Variants in R3HDM2 observed in about 807,000 individuals in gnomAD.
R3HDM2 encodes the protein R3H domain containing 2.
A neutral mutation model predicts 124.5 loss-of-function variants in R3HDM2; 38 were observed. The ratio of observed to expected loss-of-function variants is 0.31; its 90% CI spans 0.24 to 0.40. The LOEUF is 0.40. Ranked by LOEUF, R3HDM2 falls within the 10% of genes least tolerant of loss-of-function variation. The probability of loss-of-function intolerance (pLI) is 1.00; values close to 1 mark genes in which losing one functional copy is unlikely to be tolerated. For missense variants in R3HDM2, 869 were observed against 1,236.9 expected, an observed-to-expected ratio of 0.70 and a Z score of 4.46; for synonymous variants, 391 against 448.0, an observed-to-expected ratio of 0.87 and a Z score of 1.61.
intron 2 of R3HDM2, among the ~76,000 whole-genome samples, chr12:57,346,003 TAC>T (rs2060047773): frequency 6.6e-6 from 1 of 151,732 alleles, no homozygotes; most frequent in African/African-American, 2.4e-5. Context: ...CTACCAAAAA[TAC>T]AAAAATTAGC....
Position 57,288,440 on chromosome 12 carries a change from A to G in R3HDM2, c.938+569T>C, listed in dbSNP as rs1180820714. On this transcript the variant is annotated intron_variant, in intron 12 of 23. Coordinates refer to ENST00000402412, the MANE Select transcript of R3HDM2 (RefSeq NM_001394031.1). ...ATTTTTTCTTAAAGATATCTTTAAGAAAAAATATTCCTATGCTGGGTCAGG... is the reference window on the plus strand; with the variant it reads ...ATTTTTTCTTAAAGATATCTTTAAGGAAAAATATTCCTATGCTGGGTCAGG... Among the ~76,000 whole-genome samples the G allele has an allele frequency of 2.0e-5, 3 of 152,056 alleles. No homozygotes were observed. The East Asian group carries it at 5.8e-4, about 29-fold the overall frequency.
intron 2 of R3HDM2, among the ~76,000 whole-genome samples, chr12:57,379,320 C>T (rs1031764922): frequency 6.6e-6 from 1 of 152,178 alleles, no homozygotes; most frequent in African/African-American, 2.4e-5. Context: ...GTAGCTCATG[C>T]CTGTAATCCC....
intron 14 of R3HDM2, among the ~76,000 whole-genome samples, chr12:57,271,894 A>AT (rs377415685): frequency 0.06 from 8,564 of 143,432 alleles, 663 homozygotes; most frequent in African/African-American, 0.18. Flanking sequence ...CTGCAACTGC[A>AT]TTTTTTTTTT....
intron 11 of R3HDM2, among the ~76,000 whole-genome samples, chr12:57,291,974 G>C (rs187771584): frequency 6.6e-6 from 1 of 152,338 alleles, no homozygotes; most frequent in Admixed American, 6.5e-5. Context: ...CTAGGAGCTA[G>C]TCCTGTTGTA....
At chr12:57,418,326 G>C (rs1442999175) in intron 1 of R3HDM2, 6 of 985,302 alleles carry the variant, frequency 6.1e-6, no homozygotes, top group Non-Finnish European at 7.2e-6. Flanking sequence ...AGAACATTTA[G>C]TTAACGGGGC....
chr12:57,327,827 G>A (rs904890787), intron 2 of R3HDM2, among the ~76,000 whole-genome samples: 3 of 152,102 alleles, frequency 2.0e-5, no homozygotes, highest in Non-Finnish European at 4.4e-5. Context: ...TCTTACGGAT[G>A]AGCAAAAAAG....
intron 1 of R3HDM2, among the ~76,000 whole-genome samples, chr12:57,416,168 C>T (rs909680226): frequency 2.0e-5 from 3 of 151,724 alleles, no homozygotes; most frequent in South Asian, 2.1e-4. Flanking sequence ...TTTCCTAATA[C>T]GTGAATAAAA....
intron 13 of R3HDM2, 34 bp downstream of exon 13, chr12:57,283,790 T>A (rs1302161660): frequency 6.3e-7 from 1 of 1,586,628 alleles, no homozygotes; most frequent in East Asian, 2.2e-5. Flanking sequence ...CAAGAAGGGA[T>A]GGGTATGACA....
intron 1 of R3HDM2, among the ~76,000 whole-genome samples, chr12:57,404,382 A>T (rs1351062063): frequency 6.7e-6 from 1 of 150,220 alleles, no homozygotes; most frequent in Non-Finnish European, 1.5e-5. Flanking sequence ...CTAATTTTTA[A>T]CTATAGGTTC....
intron 2 of R3HDM2, among the ~76,000 whole-genome samples, chr12:57,340,223 T>C (rs1022856054): frequency 1.3e-5 from 2 of 152,204 alleles, no homozygotes; most frequent in South Asian, 4.1e-4. Flanking sequence ...AGCAGTTTTC[T>C]TCCCCCTCAA....
chr12:57,274,018 C>A (rs2044154204), intron 14 of R3HDM2, among the ~76,000 whole-genome samples: 1 of 152,206 alleles, frequency 6.6e-6, no homozygotes, highest in Admixed American at 6.5e-5. Context: ...TATTTTCTGT[C>A]AGACAATGGC....
intron 12 of R3HDM2, among the ~76,000 whole-genome samples, chr12:57,287,877 T>C (rs2047694505): frequency 6.6e-6 from 1 of 152,248 alleles, no homozygotes; most frequent in Non-Finnish European, 1.5e-5. Context: ...GTCTTATACC[T>C]GCTTTGTGGG....
chr12:57,321,060 A>G (rs2056369866), intron 2 of R3HDM2, among the ~76,000 whole-genome samples: 1 of 152,194 alleles, frequency 6.6e-6, no homozygotes, highest in South Asian at 2.1e-4. Flanking sequence ...GAATAAACAA[A>G]TGTAATATTA....
rs2061336542 is a variant in R3HDM2 at position 57,356,696 on chromosome 12, C to A, written c.-36+39053G>T. On this transcript the variant is annotated intron_variant, in intron 2 of 23. Transcript: ENST00000402412. The stretch of plus-strand genomic sequence containing the variant: ...GACTTCAGCAGTAAAGCCATTTGAC[C>A]CTGTGGGTGAGTTTTTAAACTATAA... Among the ~76,000 whole-genome samples the A allele has an allele frequency of 2.0e-5, 3 of 152,038 alleles. No individual in the cohort carries two copies. In the South Asian group the frequency reaches 6.2e-4, roughly 31 times the overall value.
intron 1 of R3HDM2, among the ~76,000 whole-genome samples, chr12:57,396,396 G>A (rs535579167): frequency 2.0e-5 from 3 of 151,722 alleles, no homozygotes; most frequent in South Asian, 2.1e-4. Context: ...AGCCGAGATC[G>A]CACCACTGCA....
In R3HDM2 at chr12:57,310,450, G is replaced by A; in HGVS notation, c.-22C>T. 6.7e-7 allele frequency: 1 copy of A among 1,491,030 alleles called. No individual in the cohort carries two copies. The allele number at this position is 1,491,030 out of a possible 1,614,324, so 92.4% of individuals were successfully genotyped here. A position where few individuals can be genotyped will look rare whatever the true frequency, so the allele number is the denominator to read the frequency against. On this transcript the variant is annotated 5_prime_UTR_variant, in exon 3 of 24. Coordinates refer to ENST00000402412, the MANE Select transcript of R3HDM2 (RefSeq NM_001394031.1). ...ACATGTTCTTCAATAGAATACAGTG[G>A]CCTCTATGGACTCCTAAAGAAACAT...
At position 57,277,466 on chromosome 12, in the gene R3HDM2, T is replaced by G. The variant is rs189657428; in HGVS notation, c.1344+2892A>C. ...ATTTTTTTTTTTTTTTTAGACAGAG[T>G]CTTGCTGTGTTGCCCAGGCTGGAGT... On this transcript the variant is annotated intron_variant, in intron 14 of 23. Transcript: ENST00000402412. Among the ~76,000 whole-genome samples the G allele has an allele frequency of 2.3e-4, 35 of 149,842 alleles. No individual in the cohort carries two copies. In the East Asian group the frequency reaches 6.3e-3, roughly 27 times the overall value.
chr12:57,322,763 G>GTAGA (rs1253178139), intron 2 of R3HDM2, among the ~76,000 whole-genome samples: 1 of 152,084 alleles, frequency 6.6e-6, no homozygotes, highest in Non-Finnish European at 1.5e-5. Context: ...AGAGGCAATG[G>GTAGA]TAGAATTCCA....
intron 2 of R3HDM2, among the ~76,000 whole-genome samples, chr12:57,364,478 T>G (rs1593968691): frequency 6.6e-6 from 1 of 152,098 alleles, no homozygotes; most frequent in East Asian, 1.9e-4. Context: ...AAAAGAAAAT[T>G]TATTTTCTCA....
Sources: gnomAD v4.1 joint callset for allele counts (sites outside exome capture counted in the v4.1 genomes callset) on GRCh38, gnomAD v4.1.1 for gene constraint, MANE v1.5 for transcripts, NCBI Gene and HGNC (gene_info 2026-07-23, HGNC 2026-07-21) for gene names.